UVRAG: variants seen among roughly 807,000 people sequenced by gnomAD.
UVRAG encodes UV radiation resistance-associated gene protein.
In UVRAG, 19 loss-of-function variants were observed where a neutral mutation model predicts 78.0. The observed-to-expected ratio is 0.24, with a 90% CI of 0.17 to 0.36. UVRAG has a LOEUF of 0.36. Among genes scored for constraint, UVRAG ranks in the 10% least tolerant of loss-of-function variants. The pLI, the probability that UVRAG is intolerant of heterozygous loss-of-function variation, is 1.00. For synonymous variants in UVRAG, 323 were observed against 324.6 expected, an observed-to-expected ratio of 1.00 and a Z score of 0.05; for missense variants, 740 against 853.8, an observed-to-expected ratio of 0.87 and a Z score of 1.66.
Position 75,986,798 on chromosome 11 carries a change from T to TA in UVRAG, c.826+3286dup, listed in dbSNP as rs1949509603. Among the ~76,000 whole-genome samples, 5 of 149,682 alleles carry TA rather than the reference T, an allele frequency of 3.3e-5. No individual in the cohort carries two copies. The South Asian group carries it at 1.1e-3, about 32-fold the overall frequency. ...CCCCAGTTCTAAGTAACCACCCCCCTACCTTCTGTCTCTAGATTTGCCTTT... is the reference window on the plus strand; with the variant it reads ...CCCCAGTTCTAAGTAACCACCCCCCTAACCTTCTGTCTCTAGATTTGCCTTT... On this transcript the variant is annotated intron_variant, in intron 8 of 14. Transcript: ENST00000356136.
At chr11:75,846,944 C>G (rs1215286337) in intron 1 of UVRAG, among the ~76,000 whole-genome samples, 1 of 152,158 alleles carries the variant, frequency 6.6e-6, no homozygotes, top group Non-Finnish European at 1.5e-5. Flanking sequence ...CTGCCTTAGC[C>G]TCCTGAGTAG....
chr11:76,083,641 A>C (rs1951537295), intron 13 of UVRAG, among the ~76,000 whole-genome samples: 1 of 152,236 alleles, frequency 6.6e-6, no homozygotes, highest in African/African-American at 2.4e-5. Flanking sequence ...TTGCTGAACT[A>C]TGACCACTAA....
At chr11:75,951,548 A>AATTTTGTATTTTTAGTG (rs1288664432) in intron 6 of UVRAG, among the ~76,000 whole-genome samples, 2 of 151,938 alleles carry the variant, frequency 1.3e-5, no homozygotes, top group African/African-American at 4.8e-5. Context: ...ACGCCTGGCT[A>AATTTTGTATTTTTAGTG]ATTTTGTATT....
At chr11:76,031,861 C>T (rs1950443978) in intron 12 of UVRAG, among the ~76,000 whole-genome samples, 1 of 152,164 alleles carries the variant, frequency 6.6e-6, no homozygotes, top group African/African-American at 2.4e-5. Flanking sequence ...GCCAGTAGTT[C>T]ATGGACTATT....
chr11:75,981,722 A>T (rs1949399545), intron 7 of UVRAG, among the ~76,000 whole-genome samples: 1 of 151,654 alleles, frequency 6.6e-6, no homozygotes, highest in Admixed American at 6.6e-5. Context: ...CAGGTCCCTG[A>T]TGTTTTGTTC....
intron 7 of UVRAG, 112 bp from the exon 8 acceptor site, chr11:75,983,275 T>G: frequency 1.1e-6 from 1 of 942,794 alleles, no homozygotes; most frequent in Non-Finnish European, 1.5e-6. Context: ...ATAAGTTTGA[T>G]GAGTATTAAA....
intron 8 of UVRAG, 138 bp downstream of exon 8, chr11:75,983,651 T>TCACCAAAGGATGCATTTCCA: frequency 8.3e-7 from 1 of 1,209,684 alleles, no homozygotes; most frequent in Non-Finnish European, 1.1e-6. Context: ...ATTCTGGAAA[T>TCACCAAAGGATGCATTTCCA]GCATCCTTTG....
chr11:75,975,174 G>A (rs1163757619), intron 7 of UVRAG, among the ~76,000 whole-genome samples: 1 of 152,184 alleles, frequency 6.6e-6, no homozygotes, highest in Admixed American at 6.5e-5. Context: ...TCAGATGGTT[G>A]TAGATGTGTG....
At chr11:76,130,865 G>A (rs1017474198) in intron 14 of UVRAG, among the ~76,000 whole-genome samples, 3 of 151,926 alleles carry the variant, frequency 2.0e-5, no homozygotes, top group African/African-American at 4.8e-5. Flanking sequence ...AGTTCCTTCT[G>A]GGGGCTGGGT....
chr11:76,046,924 T>C (rs7931478), intron 12 of UVRAG, among the ~76,000 whole-genome samples: 16,632 of 35,710 alleles, frequency 0.47, 2,165 homozygotes, highest in African/African-American at 0.57. Flanking sequence ...AGTATCAGGC[T>C]TGTAGAACAT....
intron 4 of UVRAG, among the ~76,000 whole-genome samples, chr11:75,882,915 G>C (rs891687685): frequency 5.3e-5 from 8 of 151,836 alleles, no homozygotes; most frequent in Admixed American, 5.2e-4. Context: ...TTTTTTCTCT[G>C]TTTTAGGGAT....
intron 2 of UVRAG, among the ~76,000 whole-genome samples, chr11:75,856,624 G>A (rs1565347923): frequency 6.6e-6 from 1 of 151,922 alleles, no homozygotes; most frequent in Admixed American, 6.6e-5. Context: ...TTTTGTTGTT[G>A]TTTGTAGAGC....
chr11:76,126,783 C>T (rs951701144), intron 14 of UVRAG, among the ~76,000 whole-genome samples: 2 of 152,160 alleles, frequency 1.3e-5, no homozygotes, highest in Non-Finnish European at 2.9e-5. Context: ...TATTGGAAAG[C>T]GGAAGAGGGG....
intron 6 of UVRAG, among the ~76,000 whole-genome samples, chr11:75,956,954 C>A (rs1948810649): frequency 6.7e-6 from 1 of 148,814 alleles, no homozygotes; most frequent in South Asian, 2.1e-4. Context: ...TATAAGACTT[C>A]TTTATAGTCA....
chr11:75,878,679 G>T (rs534156417), intron 3 of UVRAG, among the ~76,000 whole-genome samples: 1,569 of 152,244 alleles, frequency 0.01, 21 homozygotes, highest in Non-Finnish European at 0.016. Flanking sequence ...GCTAACACAG[G>T]GAAACCCAGT....
intron 6 of UVRAG, among the ~76,000 whole-genome samples, chr11:75,923,355 G>A (rs899433864): frequency 2.6e-5 from 4 of 152,090 alleles, no homozygotes; most frequent in Non-Finnish European, 5.9e-5. Flanking sequence ...TTGTGTTGTT[G>A]TTATGGGGGG....
intron 12 of UVRAG, among the ~76,000 whole-genome samples, chr11:76,050,031 G>A (rs1950832118): frequency 6.6e-6 from 1 of 152,182 alleles, no homozygotes. Flanking sequence ...TACAATACCT[G>A]CTGCATAATA....
At chr11:76,132,491 A>C (rs753773829) in intron 14 of UVRAG, among the ~76,000 whole-genome samples, 1 of 152,144 alleles carries the variant, frequency 6.6e-6, no homozygotes, top group Non-Finnish European at 1.5e-5. Flanking sequence ...CATACTTTAC[A>C]GTGTGGGACC....
chr11:75,943,596 C>G (rs1390259428), intron 6 of UVRAG, among the ~76,000 whole-genome samples: 1 of 151,964 alleles, frequency 6.6e-6, no homozygotes, highest in Non-Finnish European at 1.5e-5. Flanking sequence ...ATTGGAAATG[C>G]GAAGAGTTGA....
Sources: gnomAD v4.1 joint callset for allele counts (sites outside exome capture counted in the v4.1 genomes callset) on GRCh38, gnomAD v4.1.1 for gene constraint, MANE v1.5 for transcripts, NCBI Gene and HGNC (gene_info 2026-07-23, HGNC 2026-07-21) for gene names.